GSG1: variants seen among roughly 807,000 people sequenced by gnomAD.
The protein encoded by GSG1 is germ cell-specific gene 1 protein.
A neutral mutation model predicts 30.8 loss-of-function variants in GSG1; 28 were observed. That is an observed-to-expected ratio of 0.91 (90% CI 0.67 to 1.25). The LOEUF (loss-of-function observed/expected upper bound fraction) is 1.25. Among genes scored for constraint, GSG1 ranks in the 50% most tolerant of loss-of-function variants. The pLI, the probability that GSG1 is intolerant of heterozygous loss-of-function variation, is 0.00. For synonymous variants in GSG1, 162 were observed against 178.0 expected (o/e 0.91, Z 0.71); for missense variants, 435 against 444.7 (o/e 0.98, Z 0.20).
At chr12:13,092,603 C>A (rs1166981598) in intron 1 of GSG1, among the ~76,000 whole-genome samples, 1 of 152,108 alleles carries the variant, frequency 6.6e-6, no homozygotes, top group African/African-American at 2.4e-5. Context: ...GTCTTATCTT[C>A]CCTCCAAGAT....
intron 1 of GSG1, among the ~76,000 whole-genome samples, chr12:13,096,254 A>G (rs1866651091): frequency 6.6e-6 from 1 of 152,086 alleles, no homozygotes. Flanking sequence ...TGGGCGGATC[A>G]CAAGGTCAGG....
Position 13,093,048 on chromosome 12 carries a change from G to A in GSG1, c.49-2230C>T, listed in dbSNP as rs1389916551. Among the ~76,000 whole-genome samples the A allele has an allele frequency of 1.3e-5, 2 of 151,292 alleles. No individual in the cohort carries two copies. Among genetic ancestry groups the A allele is most frequent in the Non-Finnish European group, 2.9e-5 (2 of 67,858 alleles). ...TGATCTTAGGTAATCTGCCCGCCTC[G>A]GCCTCCCAAAGTGCTGGGATTACAG... is the stretch of plus-strand genomic sequence containing the variant. On this transcript the variant is annotated intron_variant, in intron 1 of 6. Coordinates refer to ENST00000651961, the MANE Select transcript of GSG1 (RefSeq NM_001080555.4). This position sits in a 1 kb window ranked among gnomAD's most constrained non-coding sequence, Gnocchi z 4.6.
Position 13,101,498 on chromosome 12 carries a change from G to C in GSG1, c.48+1967C>G, listed in dbSNP as rs1032239593. Among the ~76,000 whole-genome samples the C allele has an allele frequency of 4.0e-4, 61 of 152,338 alleles. No individual in the cohort carries two copies. The highest frequency in any genetic ancestry group is 1.4e-3 in the African/African-American group (57 of 41,576). ...GTCCCGGGGGCCCTCCCAGAGAGCA[G>C]GGACTGCCAGGGCAGGCCAGGGACC... On this transcript the variant is annotated intron_variant, in intron 1 of 6. Transcript: ENST00000651961. This position sits in a 1 kb window ranked among gnomAD's most constrained non-coding sequence, Gnocchi z 5.8.
At chr12:13,087,586 T>C (rs1385242386) in intron 5 of GSG1, among the ~76,000 whole-genome samples, 1 of 152,234 alleles carries the variant, frequency 6.6e-6, no homozygotes, top group Non-Finnish European at 1.5e-5. Context: ...ATCTTATATG[T>C]GCATCTTTCA....
rs766414688 is a variant in GSG1 at position 13,088,730 on chromosome 12, A to C, written c.481+132T>G. On this transcript the variant is annotated intron_variant, in intron 4 of 6. Transcript: ENST00000651961. Reference sequence around the variant, plus strand: ...GTAACTACTGTAAATTCCTTATCAGACACATACTTGCCACAAAGCCCCAAG... The same window carrying C: ...GTAACTACTGTAAATTCCTTATCAGCCACATACTTGCCACAAAGCCCCAAG... The C allele has an allele frequency of 1.1e-5, 18 of 1,611,092 alleles. No individual in the cohort carries two copies. The African/African-American group carries it at 2.3e-4, about 20-fold the overall frequency.
At position 13,097,087 on chromosome 12, in the gene GSG1, C is replaced by CT. The variant is rs199889119; in HGVS notation, c.49-6270dup. On this transcript the variant is annotated intron_variant, in intron 1 of 6. Transcript: ENST00000651961. The stretch of plus-strand genomic sequence containing the variant: ...CCTGGGCCACAGAACGAGACTCCAT[C>CT]TTTAAAAAAAAAAAGTGCAAATTAA... 2.1e-3 allele frequency among the ~76,000 whole-genome samples: 311 copies of CT among 151,194 alleles called. 2 individuals are homozygous for CT. In the East Asian group the frequency reaches 0.029, roughly 14 times the overall value.
intron 1 of GSG1, among the ~76,000 whole-genome samples, chr12:13,100,049 C>T (rs753459116): frequency 1.1e-4 from 17 of 152,144 alleles, no homozygotes; most frequent in African/African-American, 3.4e-4. Flanking sequence ...CTGTCATGCT[C>T]ATTTGACTTT....
intron 1 of GSG1, among the ~76,000 whole-genome samples, chr12:13,092,163 G>T (rs1346526006): frequency 2.2e-4 from 34 of 152,200 alleles, no homozygotes; most frequent in Admixed American, 2.2e-3. Context: ...AAGTGAGTAT[G>T]TTAAAATCTT....
At chr12:13,087,788 C>T in intron 5 of GSG1, 119 bp downstream of exon 5, 1 of 952,150 alleles carries the variant, frequency 1.1e-6, no homozygotes, top group Non-Finnish European at 1.5e-6. Flanking sequence ...AGATGCCTAC[C>T]TCCATTCTTT....
chr12:13,092,861 G>A lies in GSG1; in HGVS notation c.49-2043C>T, dbSNP rs184174153. ...GGCTGGAGTGCAATGGCACAATCTCGGCTCACTGCAACCTCCAGTTCCCGG... is the reference window on the plus strand; with the variant it reads ...GGCTGGAGTGCAATGGCACAATCTCAGCTCACTGCAACCTCCAGTTCCCGG... On this transcript the variant is annotated intron_variant, in intron 1 of 6. Transcript: ENST00000651961. Among the ~76,000 whole-genome samples the A allele has an allele frequency of 5.8e-4, 88 of 151,032 alleles. 1 individual carries two copies. The East Asian group carries it at 0.014, about 24-fold the overall frequency.
At chr12:13,100,853 C>CT (rs1232027692) in intron 1 of GSG1, among the ~76,000 whole-genome samples, 1 of 152,176 alleles carries the variant, frequency 6.6e-6, no homozygotes, top group African/African-American at 2.4e-5. Flanking sequence ...GCCACATCAC[C>CT]TCAAATGGTC....
rs140256531 is a variant in GSG1, at chr12:13,090,695, C to T, written c.172G>A (p.Val58Met). The T allele has an allele frequency of 5.6e-6, 9 of 1,614,104 alleles. No individual in the cohort carries two copies. Among genetic ancestry groups the T allele is most frequent in the Non-Finnish European group, 7.6e-6 (9 of 1,180,058 alleles). Residue 58 changes from valine to methionine, a missense_variant, in exon 2 of 7, where the codon GTG (valine) becomes ATG (methionine). Transcript: ENST00000651961. ...SNYWFVGTQK[V>M]PKPLCEKGLA... ...CCTTTCTCGCACAGGGGCTTGGGCA[C>T]CTTCTGTGTGCCCACAAACCAGTAG...
chr12:13,096,683 A>G (rs956620943), intron 1 of GSG1, among the ~76,000 whole-genome samples: 1 of 152,142 alleles, frequency 6.6e-6, no homozygotes, highest in Non-Finnish European at 1.5e-5. Flanking sequence ...ATATTTCAAA[A>G]AAGAGTTTCT....
chr12:13,097,467 C>G (rs1025981404), intron 1 of GSG1, among the ~76,000 whole-genome samples: 2 of 152,096 alleles, frequency 1.3e-5, no homozygotes, highest in Non-Finnish European at 2.9e-5. Context: ...CCTTGGCCTC[C>G]CAAAGTGCTG....
chr12:13,098,478 T>TG (rs1862913368), intron 1 of GSG1, among the ~76,000 whole-genome samples: 1 of 127,956 alleles, frequency 7.8e-6, no homozygotes, highest in Non-Finnish European at 1.7e-5. Context: ...TTTTTTTTTT[T>TG]TTTTTTTTTT....
At chr12:13,095,929 G>A in intron 1 of GSG1, 1 of 607,940 alleles carries the variant, frequency 1.6e-6, no homozygotes, top group South Asian at 2.2e-5. Context: ...TCTTTAAAAA[G>A]TAAATGATGG....
rs1866412709 is a variant in GSG1 at position 13,093,953 on chromosome 12, T to C, written c.49-3135A>G. Among the ~76,000 whole-genome samples, 1 of 152,224 alleles carries C rather than the reference T, an allele frequency of 6.6e-6. No homozygotes were observed. Among genetic ancestry groups the C allele is most frequent in the African/African-American group, 2.4e-5 (1 of 41,460 alleles). On this transcript the variant is annotated intron_variant, in intron 1 of 6. Coordinates refer to ENST00000651961, the MANE Select transcript of GSG1 (RefSeq NM_001080555.4). This position sits in a 1 kb window ranked among gnomAD's most constrained non-coding sequence, Gnocchi z 4.6. ...AAGTAATTTGGCAAGTCTCTCACTTTGTGTTAGAGCAGTTTATACAGTTAT... is the reference window on the plus strand; with the variant it reads ...AAGTAATTTGGCAAGTCTCTCACTTCGTGTTAGAGCAGTTTATACAGTTAT...
chr12:13,089,832 C>G (rs1555125002), intron 2 of GSG1, among the ~76,000 whole-genome samples: 1 of 152,170 alleles, frequency 6.6e-6, no homozygotes, highest in Non-Finnish European at 1.5e-5. Flanking sequence ...GGGCAGATCA[C>G]CTGAGGTCGG....
chr12:13,090,823 A>C lies in GSG1; in HGVS notation c.49-5T>G. On this transcript the variant is annotated splice_polypyrimidine_tract_variant and splice_region_variant and intron_variant, in intron 1 of 6. Transcript: ENST00000651961. ...GAAGGCCTTCGAGAGCTCCATCTGTAATAGACAAGCACAAGTGGAAGGGAA... is the reference window on the plus strand; with the variant it reads ...GAAGGCCTTCGAGAGCTCCATCTGTCATAGACAAGCACAAGTGGAAGGGAA... 6.2e-7 allele frequency: 1 copy of C among 1,601,634 alleles called. No individual in the cohort carries two copies. Among genetic ancestry groups the C allele is most frequent in the Non-Finnish European group, 8.5e-7 (1 of 1,172,300 alleles).
Sources: allele counts gnomAD v4.1 joint callset (sites outside exome capture counted in the v4.1 genomes callset), GRCh38; gene constraint gnomAD v4.1.1; non-coding constraint Gnocchi (gnomAD v3.1); transcripts MANE v1.5; gene names NCBI Gene and HGNC (gene_info 2026-07-23, HGNC 2026-07-21).